Variants in PCCA observed in about 807,000 individuals in gnomAD.
PCCA encodes the protein propionyl-CoA carboxylase subunit alpha, also known as propionyl-CoA carboxylase alpha chain, mitochondrial.
PCCA carries 74 observed loss-of-function variants against 101.3 expected under a neutral mutation model. The observed-to-expected ratio is 0.73, with a 90% CI of 0.61 to 0.89. The LOEUF (loss-of-function observed/expected upper bound fraction) is 0.89, where lower values mean the gene tolerates loss of function less well. Ranked by LOEUF, PCCA falls within the 40% of genes least tolerant of loss-of-function variation. PCCA has a pLI of 0.00. For missense variants in PCCA, 891 were observed against 907.0 expected (o/e 0.98, Z 0.23); for synonymous variants, 294 against 313.6 (o/e 0.94, Z 0.66).
At chr13:100,355,899 G>A (rs2073911255) in intron 18 of PCCA, among the ~76,000 whole-genome samples, 1 of 152,112 alleles carries the variant, frequency 6.6e-6, no homozygotes, top group South Asian at 2.1e-4. Flanking sequence ...AAGACAAAGT[G>A]GTACTGGCGT....
At chr13:100,230,851 G>A (rs1330130880) in intron 7 of PCCA, among the ~76,000 whole-genome samples, 1 of 152,172 alleles carries the variant, frequency 6.6e-6, no homozygotes, top group East Asian at 1.9e-4. Context: ...GGTGCAGAGG[G>A]TGGACAGTGC....
intron 4 of PCCA, among the ~76,000 whole-genome samples, chr13:100,120,451 G>A (rs1051853296): frequency 6.6e-6 from 1 of 152,096 alleles, no homozygotes; most frequent in Non-Finnish European, 1.5e-5. Context: ...AGGAGGATTT[G>A]CAGGTTATTT....
chr13:100,165,841 G>A (rs1245626051), intron 6 of PCCA, among the ~76,000 whole-genome samples: 1 of 151,980 alleles, frequency 6.6e-6, no homozygotes, highest in African/African-American at 2.4e-5. Context: ...AGGGTGTAGC[G>A]AGCTATGAAT....
At chr13:100,519,656 T>A (rs1466730375) in intron 22 of PCCA, among the ~76,000 whole-genome samples, 3 of 152,186 alleles carry the variant, frequency 2.0e-5, no homozygotes, top group African/African-American at 7.2e-5. Context: ...TGACGTCCCC[T>A]CCTCCCCTTT....
chr13:100,416,913 G>C (rs189299075), intron 19 of PCCA, among the ~76,000 whole-genome samples: 80 of 151,734 alleles, frequency 5.3e-4, no homozygotes, highest in African/African-American at 1.7e-3. Flanking sequence ...GCGCGATCTC[G>C]GCTCACTGCA....
At chr13:100,398,562 G>C (rs941720613) in intron 19 of PCCA, among the ~76,000 whole-genome samples, 5 of 152,074 alleles carry the variant, frequency 3.3e-5, no homozygotes, top group Non-Finnish European at 4.4e-5. Context: ...GCACTGGGTG[G>C]AAAAGGGAAA....
At chr13:100,409,216 C>T (rs1199400470) in intron 19 of PCCA, among the ~76,000 whole-genome samples, 1 of 152,090 alleles carries the variant, frequency 6.6e-6, no homozygotes, top group African/African-American at 2.4e-5. Context: ...CAGTTTCCTC[C>T]ACCCTCAGAA....
intron 4 of PCCA, among the ~76,000 whole-genome samples, chr13:100,131,635 T>C (rs1348272157): frequency 6.6e-6 from 1 of 152,234 alleles, no homozygotes; most frequent in African/African-American, 2.4e-5. Flanking sequence ...ATGCTTTTTT[T>C]TATACAGTGT....
chr13:100,517,141 G>A (rs187399497), intron 22 of PCCA, among the ~76,000 whole-genome samples: 89 of 150,342 alleles, frequency 5.9e-4, no homozygotes, highest in African/African-American at 1.6e-3. Context: ...AATCCAAACC[G>A]GAGTGGAGGG....
chr13:100,275,718 T>C (rs2063607672), intron 12 of PCCA, among the ~76,000 whole-genome samples: 1 of 152,190 alleles, frequency 6.6e-6, no homozygotes, highest in Non-Finnish European at 1.5e-5. Context: ...ATCATTTAAT[T>C]TTTTCCTGTA....
intron 18 of PCCA, among the ~76,000 whole-genome samples, chr13:100,355,745 A>G (rs924977876): frequency 6.6e-6 from 1 of 152,190 alleles, no homozygotes; most frequent in Non-Finnish European, 1.5e-5. Flanking sequence ...CACAATCCTT[A>G]CTAGAATCCC....
chr13:100,118,678 A>G (rs1436871497), intron 4 of PCCA, among the ~76,000 whole-genome samples: 1 of 151,984 alleles, frequency 6.6e-6, no homozygotes, highest in Non-Finnish European at 1.5e-5. Flanking sequence ...TTTCCCAAGT[A>G]GTTGTGACTA....
intron 16 of PCCA, among the ~76,000 whole-genome samples, chr13:100,325,528 T>C (rs1361261828): frequency 6.6e-6 from 1 of 152,104 alleles, no homozygotes; most frequent in Admixed American, 6.6e-5. Flanking sequence ...CGCAAGTGCC[T>C]TATTCTGAGG....
At chr13:100,444,202 A>ATT (rs60275166) in intron 20 of PCCA, among the ~76,000 whole-genome samples, 3 of 120,752 alleles carry the variant, frequency 2.5e-5, no homozygotes, top group Non-Finnish European at 1.7e-5. Flanking sequence ...TCAGCCCACA[A>ATT]TTTTTTTTTT....
At chr13:100,357,614 A>G (rs774323409) in intron 18 of PCCA, among the ~76,000 whole-genome samples, 1 of 152,278 alleles carries the variant, frequency 6.6e-6, no homozygotes, top group Non-Finnish European at 1.5e-5. Flanking sequence ...ATAAATAATT[A>G]TAAACTCTGG....
intron 10 of PCCA, among the ~76,000 whole-genome samples, chr13:100,265,409 C>G (rs959794308): frequency 1.3e-5 from 2 of 152,234 alleles, no homozygotes; most frequent in African/African-American, 2.4e-5. Flanking sequence ...TCGTCATTGT[C>G]TTAACTATTT....
At position 100,089,207 on chromosome 13, in the gene PCCA, G is replaced by C. The variant is rs1483737272; in HGVS notation, c.87G>C (p.Ala29=). 2 of 1,524,196 alleles carry C rather than the reference G, an allele frequency of 1.3e-6. No homozygotes were observed. The highest frequency in any genetic ancestry group is 1.4e-5 in the African/African-American group (1 of 70,518). 94.4% of individuals were successfully genotyped at this position (1,524,196 alleles called of 1,614,324 possible). The change falls in exon 1 of 24, where the codon GCG becomes GCC. Residue 29 remains alanine (A), a synonymous_variant. Transcript: ENST00000376285. ...RWPPQQLMLS[A]ALRTLKHVLY... ...CGCCGCAGCAGCTGATGCTGAGCGC[G>C]GCGCTGCGGACCCTGAAGGTGAGGA... is the stretch of plus-strand genomic sequence containing the variant.
chr13:100,120,324 A>T (rs928651351), intron 4 of PCCA, among the ~76,000 whole-genome samples: 1 of 151,932 alleles, frequency 6.6e-6, no homozygotes, highest in African/African-American at 2.4e-5. Context: ...GACTACATGC[A>T]CATGCCGTTG....
intron 12 of PCCA, among the ~76,000 whole-genome samples, chr13:100,291,083 A>G (rs573975526): frequency 6.6e-6 from 1 of 152,370 alleles, no homozygotes; most frequent in African/African-American, 2.4e-5. Flanking sequence ...TAGCATTTAC[A>G]TTGTATTACT....
Sources: gnomAD v4.1 joint callset for allele counts (sites outside exome capture counted in the v4.1 genomes callset) on GRCh38, gnomAD v4.1.1 for gene constraint, MANE v1.5 for transcripts, NCBI Gene and HGNC (gene_info 2026-07-23, HGNC 2026-07-21) for gene names.